Variants in CNNM1 observed in about 807,000 individuals in gnomAD.
CNNM1 encodes the protein cyclin and CBS domain divalent metal cation transport mediator 1.
CNNM1 carries 44 observed loss-of-function variants against 78.8 expected under a neutral mutation model. That is an observed-to-expected ratio of 0.56 (90% CI 0.44 to 0.72). The LOEUF is 0.72. Ranked by LOEUF, CNNM1 falls within the 30% of genes least tolerant of loss-of-function variation. CNNM1 has a pLI of 0.00. For synonymous variants in CNNM1, 584 were observed against 581.5 expected (o/e 1.00, Z -0.06); for missense variants, 1,101 against 1,292.2 (o/e 0.85, Z 2.27).
At chr10:99,371,290 G>A (rs2031794337) in intron 6 of CNNM1, among the ~76,000 whole-genome samples, 1 of 152,200 alleles carries the variant, frequency 6.6e-6, no homozygotes, top group Non-Finnish European at 1.5e-5. Flanking sequence ...CCAGGTTGTG[G>A]TGTGGTTAAC....
Position 99,329,444 on chromosome 10 carries a change from C to T in CNNM1, c.57C>T (p.Cys19=). The change falls in exon 1 of 11, where the codon TGC becomes TGT. Residue 19 remains cysteine (C), a synonymous_variant. Transcript: ENST00000356713. ...AAVGVRLRDC[C]SRGAVLLLFF... ...TGGGTGTCAGGCTCCGGGACTGCTG[C>T]AGCCGAGGCGCTGTGCTCCTGCTCT... The T allele has an allele frequency of 1.5e-6, 2 of 1,297,624 alleles. No homozygotes were observed. Among genetic ancestry groups the T allele is most frequent in the Non-Finnish European group, 2.1e-6 (2 of 953,750 alleles). 80.4% of individuals were successfully genotyped at this position (1,297,624 alleles called of 1,614,324 possible).
chr10:99,355,214 G>A (rs1373941153), intron 1 of CNNM1, among the ~76,000 whole-genome samples: 1 of 144,230 alleles, frequency 6.9e-6, no homozygotes, highest in Non-Finnish European at 1.5e-5. Context: ...TCATAGGTGG[G>A]AATTGAACAA....
intron 1 of CNNM1, among the ~76,000 whole-genome samples, chr10:99,336,540 G>A (rs188552936): frequency 2.1e-3 from 321 of 152,270 alleles, no homozygotes; most frequent in Non-Finnish European, 2.6e-3. Flanking sequence ...GTTCCACTTA[G>A]GTTATTCACT....
rs2032365245 is a variant in CNNM1 at position 99,388,147 on chromosome 10, C to T, written c.2525-5C>T. 1.2e-6 allele frequency: 2 copies of T among 1,613,524 alleles called. No individual in the cohort carries two copies. Among genetic ancestry groups the T allele is most frequent in the African/African-American group, 1.3e-5 (1 of 74,904 alleles). On this transcript the variant is annotated splice_region_variant and splice_polypyrimidine_tract_variant and intron_variant, in intron 8 of 10. Coordinates refer to ENST00000356713, the MANE Select transcript of CNNM1 (RefSeq NM_020348.3). ...GAGAGGTGATGCACTCACTGTCCTC[C>T]CCAGGCAGCCGCTCAGACGGGCTGA...
intron 7 of CNNM1, 59 bp downstream of exon 7, chr10:99,377,277 C>G: frequency 6.5e-7 from 1 of 1,530,282 alleles, no homozygotes; most frequent in East Asian, 2.3e-5. Context: ...GCTGGCTGAG[C>G]GGGACAAGAA....
At chr10:99,350,531 A>G (rs955521691) in intron 1 of CNNM1, among the ~76,000 whole-genome samples, 6 of 152,222 alleles carry the variant, frequency 3.9e-5, no homozygotes, top group Non-Finnish European at 7.3e-5. Flanking sequence ...ACCATGTAGA[A>G]TAGATGAGGC....
rs1369394773 is a variant in CNNM1 at position 99,330,050 on chromosome 10, T to C, written c.663T>C (p.Pro221=). The change falls in exon 1 of 11, where the codon CCT becomes CCC. Residue 221 remains proline, a synonymous_variant. Transcript: ENST00000356713. ...LYGPGGDLLP[P]AWLRALGALL... ...GCCCAGGCGGGGACCTGCTGCCCCCTGCGTGGCTGCGGGCGCTCGGGGCGC... is the reference window on the plus strand; with the variant it reads ...GCCCAGGCGGGGACCTGCTGCCCCCCGCGTGGCTGCGGGCGCTCGGGGCGC... 6 of 1,511,002 alleles carry C rather than the reference T, an allele frequency of 4.0e-6. No individual in the cohort carries two copies. In the African/African-American group the frequency reaches 4.3e-5, roughly 11 times the overall value. 93.6% of individuals were successfully genotyped at this position (1,511,002 alleles called of 1,614,324 possible). A position where few individuals can be genotyped will look rare whatever the true frequency, so the allele number is the denominator to read the frequency against.
At chr10:99,378,548 A>C (rs1329396554) in intron 7 of CNNM1, among the ~76,000 whole-genome samples, 2 of 152,232 alleles carry the variant, frequency 1.3e-5, no homozygotes, top group East Asian at 3.8e-4. Context: ...AGCCTATAAA[A>C]GTAACCTTGA....
chr10:99,386,433 G>A (rs758361992), intron 7 of CNNM1, among the ~76,000 whole-genome samples: 16 of 152,152 alleles, frequency 1.1e-4, no homozygotes, highest in Non-Finnish European at 2.2e-4. Context: ...TGATGCTGAG[G>A]TTTGAGAATC....
intron 1 of CNNM1, among the ~76,000 whole-genome samples, chr10:99,346,889 C>T (rs2030718593): frequency 1.3e-5 from 2 of 152,164 alleles, no homozygotes; most frequent in South Asian, 2.1e-4. Context: ...GGATTACAGG[C>T]GTGAGCCACT....
At chr10:99,379,418 C>A (rs1025927887) in intron 7 of CNNM1, among the ~76,000 whole-genome samples, 1 of 152,110 alleles carries the variant, frequency 6.6e-6, no homozygotes, top group Non-Finnish European at 1.5e-5. Flanking sequence ...GGTTATCAGA[C>A]AGGCCGAGAA....
chr10:99,361,226 A>C (rs781003075), intron 3 of CNNM1, among the ~76,000 whole-genome samples: 21 of 152,172 alleles, frequency 1.4e-4, no homozygotes, highest in Non-Finnish European at 2.9e-4. Flanking sequence ...GAGCTAAAGA[A>C]ACCATTGCTG....
At chr10:99,365,700 A>G (rs1165425046) in intron 6 of CNNM1, among the ~76,000 whole-genome samples, 3 of 152,196 alleles carry the variant, frequency 2.0e-5, no homozygotes, top group African/African-American at 7.2e-5. Flanking sequence ...TTATTTCTCT[A>G]GATTTCTTTC....
At chr10:99,356,564 G>GACAGACAGACAGAAAGAAAGAAAAGA (rs1554940021) in intron 1 of CNNM1, among the ~76,000 whole-genome samples, 3 of 98,186 alleles carry the variant, frequency 3.1e-5, no homozygotes, top group Non-Finnish European at 6.4e-5. Context: ...CAGACAGACA[G>GACAGACAGACAGAAAGAAAGAAAAGA]AAAGAAAGAA....
At chr10:99,348,269 C>A (rs1201696841) in intron 1 of CNNM1, among the ~76,000 whole-genome samples, 1 of 151,922 alleles carries the variant, frequency 6.6e-6, no homozygotes, top group African/African-American at 2.4e-5. Context: ...TGGTCACAAA[C>A]CCCTGGGCCC....
intron 1 of CNNM1, among the ~76,000 whole-genome samples, chr10:99,356,085 G>C (rs1271242244): frequency 1.3e-5 from 2 of 152,144 alleles, no homozygotes; most frequent in African/African-American, 4.8e-5. Context: ...TGTGAGTCAG[G>C]AATTCAAAAG....
At position 99,391,633 on chromosome 10, in the gene CNNM1, C is replaced by G; in HGVS notation, c.*117C>G. 1 of 815,556 alleles carries G rather than the reference C, an allele frequency of 1.2e-6. No homozygotes were observed. Among genetic ancestry groups the G allele is most frequent in the South Asian group, 1.7e-5 (1 of 58,430 alleles). The allele number at this position is 815,556 out of a possible 1,614,324, so 50.5% of individuals were successfully genotyped here. On this transcript the variant is annotated 3_prime_UTR_variant, in exon 11 of 11. Transcript: ENST00000356713. ...CACAGGTGACAGAATGTTCTGCCTT[C>G]CCTTCCATCTCTTCACCCCTAGCTG...
In CNNM1 at chr10:99,360,845, GA is replaced by G; in HGVS notation, c.1733del (p.Lys578SerfsTer26). The G allele has an allele frequency of 6.2e-7, 1 of 1,605,882 alleles. No homozygotes were observed. Among genetic ancestry groups the G allele is most frequent in the Non-Finnish European group, 8.5e-7 (1 of 1,174,078 alleles). ...TCTGTGACCCCACAGCTGACAATCG[GA>G]AAAAGCAGAGGGTCCCGCAACGGGA... Reference protein sequence around the residue: ...DETDLYTDNRKKQRVPQRERK... With the variant: ...DETDLYTDNRXKQRVPQRERK... On this transcript the variant is annotated frameshift_variant, in exon 3 of 11. Transcript: ENST00000356713. LOFTEE classifies it high-confidence loss of function.
Position 99,357,673 on chromosome 10 carries a change from G to T in CNNM1, c.1717+18G>T. ...TCTCTACAGTAAGTGCACGGCCTTGGCTGTTCTCCAGGGTCATCTTATTTT... is the reference window on the plus strand; with the variant it reads ...TCTCTACAGTAAGTGCACGGCCTTGTCTGTTCTCCAGGGTCATCTTATTTT... On this transcript the variant is annotated intron_variant, in intron 2 of 10. Transcript: ENST00000356713. 1 of 1,580,194 alleles carries T rather than the reference G, an allele frequency of 6.3e-7. No homozygotes were observed. The highest frequency in any genetic ancestry group is 2.3e-5 in the East Asian group (1 of 43,978).
Sources: allele counts gnomAD v4.1 joint callset (sites outside exome capture counted in the v4.1 genomes callset), GRCh38; gene constraint gnomAD v4.1.1; transcripts MANE v1.5; gene names NCBI Gene and HGNC (gene_info 2026-07-23, HGNC 2026-07-21).